The following ARHGAP44 variants were observed in gnomAD, a reference collection of about 807,000 sequenced individuals.
The protein encoded by ARHGAP44 is rho GTPase-activating protein 44.
A neutral mutation model predicts 106.8 loss-of-function variants in ARHGAP44; 43 were observed. The observed-to-expected ratio is 0.40, with a 90% CI of 0.32 to 0.52. The LOEUF is 0.52. Among genes scored for constraint, ARHGAP44 ranks in the 20% least tolerant of loss-of-function variants. The pLI, the probability that ARHGAP44 is intolerant of heterozygous loss-of-function variation, is 0.48. For missense variants in ARHGAP44, 866 were observed against 1,050.5 expected (o/e 0.82, Z 2.43); for synonymous variants, 439 against 410.3 (o/e 1.07, Z -0.85).
At position 12,868,577 on chromosome 17, in the gene ARHGAP44, CATATATATGCATTTTATATATATATATAT is replaced by C. The variant is rs993603387; in HGVS notation, c.54-26354_54-26326del. Reference sequence around the variant, plus strand: ...AAAGCCAAAAAGTCATTTAAAAAGTCATATATATGCATTTTATATATATATATATATATATATATATATATATATATATA... The same window carrying C: ...AAAGCCAAAAAGTCATTTAAAAAGTCATATATATATATATATATATATATA... On this transcript the variant is annotated intron_variant, in intron 1 of 20. Coordinates refer to ENST00000379672, the MANE Select transcript of ARHGAP44 (RefSeq NM_014859.6). Among the ~76,000 whole-genome samples the C allele has an allele frequency of 7.8e-5, 7 of 89,512 alleles. No homozygotes were observed. In the Admixed American group the frequency reaches 8.9e-4, roughly 11 times the overall value. 58.7% of individuals were successfully genotyped at this position (89,512 alleles called of 152,430 possible). A position where few individuals can be genotyped will look rare whatever the true frequency, so the allele number is the denominator to read the frequency against.
In ARHGAP44 at chr17:12,956,768, T is replaced by TG. The variant is rs780732712; in HGVS notation, c.1342+27dup. 3.1e-6 allele frequency: 5 copies of TG among 1,605,364 alleles called. No homozygotes were observed. The Admixed American group carries it at 8.3e-5, about 27-fold the overall frequency. ...GGGGGTAGGTGACAGCACCTAGGTG[T>TG]GGGGGCAAGAGGCAGGGAACAGGAG... On this transcript the variant is annotated intron_variant, in intron 15 of 20. Coordinates refer to ENST00000379672, the MANE Select transcript of ARHGAP44 (RefSeq NM_014859.6).
intron 1 of ARHGAP44, among the ~76,000 whole-genome samples, chr17:12,812,828 A>G (rs1325977151): frequency 1.3e-5 from 2 of 152,226 alleles, no homozygotes; most frequent in Non-Finnish European, 2.9e-5. Flanking sequence ...CTCTTTTTTT[A>G]AACAAGCTAC....
At chr17:12,887,604 T>G (rs925679683) in intron 1 of ARHGAP44, among the ~76,000 whole-genome samples, 3 of 152,158 alleles carry the variant, frequency 2.0e-5, no homozygotes, top group Non-Finnish European at 4.4e-5. Context: ...GGTCTATAAT[T>G]ATTTTTTTGG....
At position 12,896,451 on chromosome 17, in the gene ARHGAP44, G is replaced by T. The variant is rs62637651; in HGVS notation, c.138G>T (p.Thr46=). 2.4e-4 allele frequency: 394 copies of T among 1,609,508 alleles called. No homozygotes were observed. Among genetic ancestry groups the T allele is most frequent in the Non-Finnish European group, 3.0e-4 (357 of 1,178,340 alleles). Residue 46 remains threonine (T), a synonymous_variant, in exon 3 of 21, where the codon ACG becomes ACT. Transcript: ENST00000379672. The stretch of plus-strand genomic sequence containing the variant: ...TGGTGAAACAGGTGTCCCACAGCAC[G>T]CACAAGAAGCTCACCGCATGTCTGC... ...LELVKQVSHS[T]HKKLTACLQG... is the part of the protein sequence containing the mutation.
intron 1 of ARHGAP44, among the ~76,000 whole-genome samples, chr17:12,813,740 T>C (rs1271944305): frequency 1.3e-5 from 2 of 152,076 alleles, no homozygotes; most frequent in African/African-American, 4.8e-5. Flanking sequence ...TACACTCTCC[T>C]TGGGTGGTGG....
intron 1 of ARHGAP44, among the ~76,000 whole-genome samples, chr17:12,852,042 G>C (rs2035760512): frequency 6.6e-6 from 1 of 150,704 alleles, no homozygotes; most frequent in African/African-American, 2.4e-5. Flanking sequence ...AGGGTTCTTG[G>C]AGTCATTTGA....
chr17:12,809,897 T>C (rs2034387651), intron 1 of ARHGAP44, among the ~76,000 whole-genome samples: 1 of 152,084 alleles, frequency 6.6e-6, no homozygotes, highest in Non-Finnish European at 1.5e-5. Flanking sequence ...CTTGTGCCAG[T>C]CACTGAGAAG....
At chr17:12,976,812 C>G (rs56989452) in intron 18 of ARHGAP44, among the ~76,000 whole-genome samples, 12 of 151,996 alleles carry the variant, frequency 7.9e-5, no homozygotes, top group Admixed American at 7.2e-4. Context: ...GATGCAGATG[C>G]GGGCACAGTG....
intron 3 of ARHGAP44, among the ~76,000 whole-genome samples, chr17:12,899,959 G>C (rs1008048760): frequency 1.3e-5 from 2 of 152,110 alleles, no homozygotes; most frequent in African/African-American, 2.4e-5. Context: ...GAAAGCTGTG[G>C]CTGCCAGCCA....
At chr17:12,989,408 C>G (rs1400225427) in intron 20 of ARHGAP44, among the ~76,000 whole-genome samples, 1 of 152,142 alleles carries the variant, frequency 6.6e-6, no homozygotes, top group African/African-American at 2.4e-5. Context: ...TTCTCCTGTT[C>G]ATCTTGCCGG....
At chr17:12,913,987 AAAAG>A (rs1355944660) in intron 4 of ARHGAP44, among the ~76,000 whole-genome samples, 4 of 151,102 alleles carry the variant, frequency 2.6e-5, no homozygotes, top group African/African-American at 9.7e-5. Flanking sequence ...AAAAAAAAAA[AAAAG>A]GCACCATTAA....
Position 12,789,875 on chromosome 17 carries a change from A to G in ARHGAP44, c.37A>G (p.Asn13Asp). Reference sequence around the variant, plus strand: ...GTTCAATCGCATGCGCCAGCTGGCCAACCAGACGGTGGGCAGGTAGGTCAC... The same window carrying G: ...GTTCAATCGCATGCGCCAGCTGGCCGACCAGACGGTGGGCAGGTAGGTCAC... Reference protein sequence around the residue: ...KQFNRMRQLANQTVGRAEKTE... With the variant: ...KQFNRMRQLADQTVGRAEKTE... Residue 13 changes from asparagine (N) to aspartate (D), a missense_variant, in exon 1 of 21, where the codon AAC (asparagine) becomes GAC (aspartate). Physicochemically the swap from Asn to Asp is conservative, Grantham distance 23. This residue lies in a region of ARHGAP44 where 448 missense variants were observed against 646.9 expected (regional missense o/e 0.69). Coordinates refer to ENST00000379672, the MANE Select transcript of ARHGAP44 (RefSeq NM_014859.6). The G allele has an allele frequency of 6.6e-7, 1 of 1,522,206 alleles. No individual in the cohort carries two copies. The highest frequency in any genetic ancestry group is 8.8e-7 in the Non-Finnish European group (1 of 1,138,346). 94.3% of individuals were successfully genotyped at this position (1,522,206 alleles called of 1,614,324 possible).
chr17:12,805,579 G>A (rs1178484836), intron 1 of ARHGAP44, among the ~76,000 whole-genome samples: 6 of 129,414 alleles, frequency 4.6e-5, no homozygotes, highest in African/African-American at 2.2e-4. Context: ...TATCTCCAAA[G>A]CATTCTCAAG....
At chr17:12,895,860 C>G (rs2037186580) in intron 2 of ARHGAP44, among the ~76,000 whole-genome samples, 1 of 152,088 alleles carries the variant, frequency 6.6e-6, no homozygotes, top group South Asian at 2.1e-4. Flanking sequence ...CCCAAATGTC[C>G]ATCAATGATA....
In ARHGAP44 at chr17:12,952,577, A is replaced by G. The variant is rs780926757; in HGVS notation, c.1132A>G (p.Ile378Val). The change falls in exon 13 of 21, where the codon ATC (isoleucine) becomes GTC (valine). Residue 378 changes from isoleucine (I) to valine (V), a missense_variant. Physicochemically the swap from Ile to Val is conservative, Grantham distance 29. Transcript: ENST00000379672. ...GTTGCCCAAGGCCAATCACAACAACATCCGGTAAGTGGATACTTACCAAGT... is the reference window on the plus strand; with the variant it reads ...GTTGCCCAAGGCCAATCACAACAACGTCCGGTAAGTGGATACTTACCAAGT... The part of the protein sequence containing the change: ...EKLPKANHNN[I>V]RYLIKFLSKL... 2 of 1,566,338 alleles carry G rather than the reference A, an allele frequency of 1.3e-6. No individual in the cohort carries two copies. Among genetic ancestry groups the G allele is most frequent in the South Asian group, 1.2e-5 (1 of 84,844 alleles).
intron 5 of ARHGAP44, chr17:12,917,380 C>A (rs146682743): frequency 6.6e-6 from 1 of 152,654 alleles, no homozygotes; most frequent in African/African-American, 2.4e-5. Flanking sequence ...AGAAGCTGAT[C>A]GTGCAGCCCC....
Position 12,984,696 on chromosome 17 carries a change from C to G in ARHGAP44, c.2105C>G (p.Ser702Trp), listed in dbSNP as rs768572384. 8 of 1,613,592 alleles carry G rather than the reference C, an allele frequency of 5.0e-6. No individual in the cohort carries two copies. In the African/African-American group the frequency reaches 6.7e-5, roughly 13 times the overall value. The change falls in exon 20 of 21, where the codon TCG becomes TGG. Residue 702 changes from serine (S) to tryptophan (W), a missense_variant. Coordinates refer to ENST00000379672, the MANE Select transcript of ARHGAP44 (RefSeq NM_014859.6). ...TACCCTCAGGGGTACTCCTTGGCCT[C>G]GGGCCAGCTCTCCCCAGCTGCAGCT... Reference protein sequence around the residue: ...LSYPQGYSLASGQLSPAAAPP... With the variant: ...LSYPQGYSLAWGQLSPAAAPP...
intron 1 of ARHGAP44, among the ~76,000 whole-genome samples, chr17:12,879,683 G>GTATATATATATATATA (rs533622463): frequency 2.6e-5 from 3 of 113,334 alleles, no homozygotes; most frequent in Admixed American, 2.1e-4. Context: ...GTGTGTATGT[G>GTATATATATATATATA]TATATATATA....
At chr17:12,892,554 G>A (rs2037079282) in intron 1 of ARHGAP44, among the ~76,000 whole-genome samples, 1 of 151,368 alleles carries the variant, frequency 6.6e-6, no homozygotes, top group Admixed American at 6.6e-5. Context: ...CTTTTTTATT[G>A]TGGCCAACTT....
Sources: allele counts gnomAD v4.1 joint callset (sites outside exome capture counted in the v4.1 genomes callset), GRCh38; gene constraint gnomAD v4.1.1; regional missense constraint gnomAD v4.1.1; transcripts MANE v1.5; gene names NCBI Gene and HGNC (gene_info 2026-07-23, HGNC 2026-07-21).